CCL28: variants seen among roughly 807,000 people sequenced by gnomAD.
CCL28 encodes the protein C-C motif chemokine ligand 28, also known as C-C motif chemokine 28.
A neutral mutation model predicts 7.1 loss-of-function variants in CCL28; 4 were observed. That is an observed-to-expected ratio of 0.56 (90% confidence interval 0.28 to 1.29). The LOEUF is 1.29. Among genes scored for constraint, CCL28 ranks in the 50% most tolerant of loss-of-function variants. The pLI, the probability that CCL28 is intolerant of heterozygous loss-of-function variation, is 0.11. For missense variants in CCL28, 151 were observed against 163.4 expected (o/e 0.92, Z 0.41); for synonymous variants, 55 against 57.8 (o/e 0.95, Z 0.22).
chr5:43,385,191 C>A (rs1740290792), intron 2 of CCL28, among the ~76,000 whole-genome samples: 1 of 152,202 alleles, frequency 6.6e-6, no homozygotes, highest in Admixed American at 6.5e-5. Flanking sequence ...GCCACCGCGC[C>A]CGGCCATGAT....
chr5:43,394,106 T>C (rs929862669), intron 1 of CCL28, among the ~76,000 whole-genome samples: 2 of 152,348 alleles, frequency 1.3e-5, no homozygotes, highest in Non-Finnish European at 2.9e-5. Flanking sequence ...ATCTCACTGA[T>C]ATGCAGACAC....
chr5:43,385,175 G>C (rs1740289537), intron 2 of CCL28, among the ~76,000 whole-genome samples: 1 of 152,230 alleles, frequency 6.6e-6, no homozygotes, highest in African/African-American at 2.4e-5. Context: ...GGGATTACAG[G>C]CGTGAGCCAC....
At chr5:43,384,733 A>G (rs990699899) in intron 2 of CCL28, among the ~76,000 whole-genome samples, 2 of 151,866 alleles carry the variant, frequency 1.3e-5, no homozygotes, top group African/African-American at 4.8e-5. Flanking sequence ...TACCTTTAAT[A>G]TCCCTTAAAC....
intron 1 of CCL28, among the ~76,000 whole-genome samples, chr5:43,409,580 A>C (rs2111923844): frequency 6.6e-6 from 1 of 152,322 alleles, no homozygotes; most frequent in Non-Finnish European, 1.5e-5. Flanking sequence ...TTCCCTAGCC[A>C]GAGTCTTATG....
At chr5:43,385,133 G>A (rs1579725292) in intron 2 of CCL28, among the ~76,000 whole-genome samples, 2 of 152,252 alleles carry the variant, frequency 1.3e-5, no homozygotes, top group South Asian at 4.1e-4. Flanking sequence ...TTCTGACCTC[G>A]TGATCCGCCT....
chr5:43,399,672 T>C (rs1201206122), intron 1 of CCL28, among the ~76,000 whole-genome samples: 1 of 152,190 alleles, frequency 6.6e-6, no homozygotes, highest in African/African-American at 2.4e-5. Flanking sequence ...AGCTCTTATG[T>C]CCCAAATTAT....
chr5:43,377,764 G>A (rs539392780), downstream of CCL28, among the ~76,000 whole-genome samples: 3 of 100,514 alleles, frequency 3.0e-5, no homozygotes, highest in Non-Finnish European at 3.7e-5. Flanking sequence ...ACGGAGTCTC[G>A]CTCTGTCGCC....
chr5:43,363,507 G>A, the CCL28 span, among the ~76,000 whole-genome samples: 1 of 152,226 alleles, frequency 6.6e-6, no homozygotes, highest in Non-Finnish European at 1.5e-5. Flanking sequence ...CATACCCTGA[G>A]TGGTAAGGTC....
chr5:43,375,271 G>A (rs1161298617), downstream of CCL28, among the ~76,000 whole-genome samples: 3 of 149,596 alleles, frequency 2.0e-5, no homozygotes, highest in African/African-American at 4.9e-5. Context: ...TTACAGGCGT[G>A]AGCCACTGCG....
chr5:43,407,040 C>G (rs987115270), intron 1 of CCL28, among the ~76,000 whole-genome samples: 2 of 152,140 alleles, frequency 1.3e-5, no homozygotes, highest in African/African-American at 4.8e-5. Flanking sequence ...TATGAAGAAT[C>G]AATATCATGA....
downstream of CCL28, among the ~76,000 whole-genome samples, chr5:43,378,022 G>T (rs555409595): frequency 7.6e-6 from 1 of 131,594 alleles, no homozygotes; most frequent in Non-Finnish European, 1.5e-5. Context: ...GTGAGCCACC[G>T]CGCCCGGCCA....
At chr5:43,388,075 T>A in intron 2 of CCL28, 1 of 311,714 alleles carries the variant, frequency 3.2e-6, no homozygotes, top group Non-Finnish European at 5.8e-6. Context: ...TCATGAACAC[T>A]TTTTGGTGAC....
At chr5:43,389,303 G>A (rs1221886803) in intron 1 of CCL28, among the ~76,000 whole-genome samples, 1 of 152,174 alleles carries the variant, frequency 6.6e-6, no homozygotes, top group Non-Finnish European at 1.5e-5. Flanking sequence ...TGTGAATACT[G>A]GTTGTTCCTA....
chr5:43,369,008 G>T, the CCL28 span, among the ~76,000 whole-genome samples: 1 of 146,984 alleles, frequency 6.8e-6, no homozygotes, highest in South Asian at 2.2e-4. Flanking sequence ...GAGGTGGGGT[G>T]GGGGGCAGGG....
At chr5:43,361,926 A>G in the CCL28 span, among the ~76,000 whole-genome samples, 1 of 132,730 alleles carries the variant, frequency 7.5e-6, no homozygotes, top group Non-Finnish European at 1.6e-5. Flanking sequence ...AAAGTCCAGT[A>G]AAGTGATGCC....
chr5:43,370,119 G>T, the CCL28 span, among the ~76,000 whole-genome samples: 791 of 152,304 alleles, frequency 5.2e-3, 7 homozygotes, highest in African/African-American at 0.018. Context: ...CCACATAAAA[G>T]ACTTCAAGTG....
At chr5:43,399,658 G>A (rs569120215) in intron 1 of CCL28, among the ~76,000 whole-genome samples, 1 of 152,052 alleles carries the variant, frequency 6.6e-6, no homozygotes, top group South Asian at 2.1e-4. Flanking sequence ...TCAGTTTTTG[G>A]TCAAGCTCTT....
downstream of CCL28, among the ~76,000 whole-genome samples, chr5:43,374,079 C>G (rs1739837995): frequency 6.6e-6 from 1 of 152,216 alleles, no homozygotes; most frequent in South Asian, 2.1e-4. Context: ...AGAAGTTGGT[C>G]ATCTCAAGAG....
At chr5:43,387,108 T>C (rs746990225) in intron 2 of CCL28, among the ~76,000 whole-genome samples, 2 of 152,206 alleles carry the variant, frequency 1.3e-5, no homozygotes, top group African/African-American at 2.4e-5. Context: ...GAGCCACAAA[T>C]GGTGTTAAAA....
Sources: allele counts gnomAD v4.1 joint callset (sites outside exome capture counted in the v4.1 genomes callset), GRCh38; gene constraint gnomAD v4.1.1; transcripts MANE v1.5; gene names NCBI Gene and HGNC (gene_info 2026-07-23, HGNC 2026-07-21).